NT5M: variants seen among roughly 807,000 people sequenced by gnomAD.
NT5M encodes the protein 5'(3')-deoxyribonucleotidase, mitochondrial.
In NT5M, 22 loss-of-function variants were observed where a neutral mutation model predicts 22.2. The ratio of observed to expected loss-of-function variants is 0.99; its 90% CI spans 0.71 to 1.41. NT5M has a LOEUF of 1.41. Among genes scored for constraint, NT5M ranks in the 40% most tolerant of loss-of-function variants. The pLI, the probability that NT5M is intolerant of heterozygous loss-of-function variation, is 0.00. For missense variants in NT5M, 322 were observed against 314.8 expected, an observed-to-expected ratio of 1.02 and a Z score of -0.17; for synonymous variants, 167 against 133.0, an observed-to-expected ratio of 1.26 and a Z score of -1.76.
At chr17:17,312,979 A>C (rs1257361647) in intron 2 of NT5M, among the ~76,000 whole-genome samples, 1 of 151,956 alleles carries the variant, frequency 6.6e-6, no homozygotes, top group African/African-American at 2.4e-5. Context: ...CTCTTAAAAA[A>C]AGATATTCTA....
chr17:17,339,430 CT>C (rs1361660212), intron 3 of NT5M, among the ~76,000 whole-genome samples: 4 of 152,138 alleles, frequency 2.6e-5, no homozygotes, highest in Non-Finnish European at 5.9e-5. Context: ...GATAATTTGA[CT>C]TCTAATCCTT....
At position 17,303,534 on chromosome 17, in the gene NT5M, G is replaced by A; in HGVS notation, c.-17G>A. The A allele has an allele frequency of 1.9e-6, 2 of 1,046,798 alleles. No individual in the cohort carries two copies. The highest frequency in any genetic ancestry group is 1.7e-5 in the African/African-American group (1 of 58,402). The allele number at this position is 1,046,798 out of a possible 1,614,324, so 64.8% of individuals were successfully genotyped here. ...GGCCCAGGTCCCCGCGCCCACGACG[G>A]GCCAGCGCGCTGGGCCATGATCCGG... On this transcript the variant is annotated 5_prime_UTR_variant, in exon 1 of 5. Coordinates refer to ENST00000389022, the MANE Select transcript of NT5M (RefSeq NM_020201.4).
chr17:17,313,930 C>T (rs570111948), intron 2 of NT5M, among the ~76,000 whole-genome samples: 3 of 152,246 alleles, frequency 2.0e-5, no homozygotes, highest in East Asian at 1.9e-4. Flanking sequence ...AGCAGCTCTG[C>T]GCGTGAGATA....
At chr17:17,331,143 G>A (rs561194546) in intron 3 of NT5M, among the ~76,000 whole-genome samples, 2 of 151,752 alleles carry the variant, frequency 1.3e-5, no homozygotes, top group East Asian at 3.9e-4. Context: ...CTCTTGGCAT[G>A]TAAAGAAACC....
chr17:17,310,471 A>G (rs573238115), intron 2 of NT5M, among the ~76,000 whole-genome samples: 2 of 152,280 alleles, frequency 1.3e-5, no homozygotes, highest in East Asian at 1.9e-4. Context: ...AGACAAACCA[A>G]TTGAAAACCT....
intron 2 of NT5M, among the ~76,000 whole-genome samples, chr17:17,317,398 T>G (rs2145354210): frequency 6.6e-6 from 1 of 152,242 alleles, no homozygotes; most frequent in East Asian, 1.9e-4. Context: ...TGGATAGACA[T>G]TTTTCCAATG....
At position 17,303,603 on chromosome 17, in the gene NT5M, C is replaced by G; in HGVS notation, c.53C>G (p.Pro18Arg). Residue 18 changes from proline to arginine, a missense_variant, in exon 1 of 5, where the codon CCC (proline) becomes CGC (arginine). Transcript: ENST00000389022. ...CARRLCSAAV[P>R]AGRRGAAGGL... ...CGGCGGCTCTGCAGCGCGGCGGTTC[C>G]CGCGGGGCGGCGCGGGGCGGCGGGC... 1 of 1,231,354 alleles carries G rather than the reference C, an allele frequency of 8.1e-7. No individual in the cohort carries two copies. Among genetic ancestry groups the G allele is most frequent in the Non-Finnish European group, 1.0e-6 (1 of 981,666 alleles). 76.3% of individuals were successfully genotyped at this position (1,231,354 alleles called of 1,614,324 possible).
intron 3 of NT5M, among the ~76,000 whole-genome samples, chr17:17,323,592 C>T (rs985337961): frequency 1.3e-5 from 2 of 152,198 alleles, no homozygotes; most frequent in Admixed American, 6.5e-5. Context: ...TTGCTGTATA[C>T]TCACTTTATT....
At chr17:17,319,924 C>T (rs554278262) in intron 2 of NT5M, among the ~76,000 whole-genome samples, 4 of 151,994 alleles carry the variant, frequency 2.6e-5, no homozygotes, top group African/African-American at 9.7e-5. Context: ...CTCACTGCAA[C>T]CTCCGCCTTT....
chr17:17,344,560 C>T (rs2049717396), intron 3 of NT5M, among the ~76,000 whole-genome samples: 1 of 152,178 alleles, frequency 6.6e-6, no homozygotes, highest in Non-Finnish European at 1.5e-5. Context: ...CGTGACTCTG[C>T]TGCTTTCTAG....
At chr17:17,337,012 C>G (rs1353574496) in intron 3 of NT5M, among the ~76,000 whole-genome samples, 1 of 151,870 alleles carries the variant, frequency 6.6e-6, no homozygotes, top group African/African-American at 2.4e-5. Context: ...GGGTATATAC[C>G]TAGGAGTGGG....
chr17:17,311,353 A>C (rs978867090), intron 2 of NT5M, among the ~76,000 whole-genome samples: 2 of 143,794 alleles, frequency 1.4e-5, no homozygotes, highest in East Asian at 4.1e-4. Flanking sequence ...AAAAAAAAAG[A>C]GTTTTAGTTT....
chr17:17,304,296 TGGGGGTCACACA>T (rs2048745275), intron 1 of NT5M: 1 of 543,592 alleles, frequency 1.8e-6, no homozygotes, highest in East Asian at 1.5e-4. Context: ...TGTGACTTTC[TGGGGGTCACACA>T]GTGAGTCAGT....
chr17:17,312,563 G>C (rs1339021423), intron 2 of NT5M, among the ~76,000 whole-genome samples: 1 of 150,426 alleles, frequency 6.6e-6, no homozygotes, highest in Non-Finnish European at 1.5e-5. Flanking sequence ...AGAATTGCTT[G>C]CACCTGGGAG....
At position 17,323,229 on chromosome 17, in the gene NT5M, A is replaced by G. The variant is rs1370180523; in HGVS notation, c.413A>G (p.Tyr138Cys). ...ACAAGCCCCATCAAGATGTTCAAGT[A>G]CTGTCCCTATGAGAAGGTAAGGCGT... is the stretch of plus-strand genomic sequence containing the variant. ...ICTSPIKMFK[Y>C]CPYEKYAWVE... The change falls in exon 3 of 5, where the codon TAC (tyrosine) becomes TGC (cysteine). Residue 138 changes from tyrosine to cysteine, a missense_variant. Transcript: ENST00000389022. The G allele has an allele frequency of 1.9e-6, 3 of 1,613,866 alleles. No individual in the cohort carries two copies. The highest frequency in any genetic ancestry group is 2.5e-6 in the Non-Finnish European group (3 of 1,179,882).
At chr17:17,329,393 C>T (rs1250576925) in intron 3 of NT5M, among the ~76,000 whole-genome samples, 1 of 152,212 alleles carries the variant, frequency 6.6e-6, no homozygotes, top group Non-Finnish European at 1.5e-5. Flanking sequence ...AGCCCATGCT[C>T]TGCTCCTCGG....
chr17:17,319,668 A>G (rs993495143), intron 2 of NT5M, among the ~76,000 whole-genome samples: 4 of 152,186 alleles, frequency 2.6e-5, no homozygotes, highest in Admixed American at 1.3e-4. Context: ...ATACTATCCA[A>G]TCTGTACTGA....
chr17:17,328,457 C>CT (rs1472603678), intron 3 of NT5M, among the ~76,000 whole-genome samples: 2 of 152,204 alleles, frequency 1.3e-5, no homozygotes, highest in African/African-American at 2.4e-5. Flanking sequence ...GTTTGTGCCC[C>CT]TCCCAACCCT....
intron 3 of NT5M, among the ~76,000 whole-genome samples, chr17:17,337,254 G>A (rs1567898158): frequency 6.6e-6 from 1 of 151,996 alleles, no homozygotes; most frequent in Non-Finnish European, 1.5e-5. Context: ...TTTGTTTTGT[G>A]TTGTTGAGAC....
Sources: gnomAD v4.1 joint callset for allele counts (sites outside exome capture counted in the v4.1 genomes callset) on GRCh38, gnomAD v4.1.1 for gene constraint, MANE v1.5 for transcripts, NCBI Gene and HGNC (gene_info 2026-07-23, HGNC 2026-07-21) for gene names.